Variants in SREK1 observed in about 807,000 individuals in gnomAD.
SREK1 encodes the protein splicing regulatory glutamine/lysine-rich protein 1.
SREK1 carries 13 observed loss-of-function variants against 66.5 expected under a neutral mutation model. That is an observed-to-expected ratio of 0.20 (90% CI 0.13 to 0.31). The LOEUF (loss-of-function observed/expected upper bound fraction) is 0.31, where lower values mean the gene tolerates loss of function less well. Ranked by LOEUF, SREK1 falls within the 10% of genes least tolerant of loss-of-function variation. The probability of loss-of-function intolerance (pLI) is 1.00; values close to 1 mark genes in which losing one functional copy is unlikely to be tolerated. For missense variants in SREK1, 607 were observed against 769.6 expected, an observed-to-expected ratio of 0.79 and a Z score of 2.50; for synonymous variants, 265 against 263.5, an observed-to-expected ratio of 1.01 and a Z score of -0.05.
chr5:66,148,784 C>T (rs1743494321), intron 1 of SREK1, among the ~76,000 whole-genome samples: 2 of 151,702 alleles, frequency 1.3e-5, no homozygotes. Context: ...TAGATGCATA[C>T]ATTTAGACCA....
In SREK1 at chr5:66,183,133, A is replaced by G. The variant is rs1746629618; in HGVS notation, c.*4265A>G. On this transcript the variant is annotated 3_prime_UTR_variant, in exon 12 of 12. Coordinates refer to ENST00000334121, the MANE Select transcript of SREK1 (RefSeq NM_001077199.3). The stretch of plus-strand genomic sequence containing the variant: ...ATTGCCAACTTTTGGGAGATTTCAC[A>G]TATTTTACCTCTATATTTTATTTTT... 1 of 152,152 alleles carries G rather than the reference A, an allele frequency of 6.6e-6. No homozygotes were observed. The highest frequency in any genetic ancestry group is 1.5e-5 in the Non-Finnish European group (1 of 68,026). The allele number at this position is 152,152 out of a possible 1,614,324, so 9.4% of individuals were successfully genotyped here. A position where few individuals can be genotyped will look rare whatever the true frequency, so the allele number is the denominator to read the frequency against.
At chr5:66,151,797 C>G (rs1743840831) in intron 1 of SREK1, among the ~76,000 whole-genome samples, 1 of 144,986 alleles carries the variant, frequency 6.9e-6, no homozygotes, top group Non-Finnish European at 1.5e-5. Flanking sequence ...ATTGGATGCC[C>G]TTAGGCAGAA....
At chr5:66,153,708 T>A in intron 2 of SREK1, 112 bp downstream of exon 2, 1 of 1,391,174 alleles carries the variant, frequency 7.2e-7, no homozygotes, top group South Asian at 1.4e-5. Context: ...TGTGTGAAAG[T>A]AAGAATGAAA....
At chr5:66,159,741 TAAG>T (rs1380852033) in intron 3 of SREK1, among the ~76,000 whole-genome samples, 6 of 152,316 alleles carry the variant, frequency 3.9e-5, no homozygotes, top group African/African-American at 1.4e-4. Context: ...GAAAATGTAA[TAAG>T]GTGAAAACAT....
At chr5:66,162,314 T>A in intron 4 of SREK1, 41 bp downstream of exon 4, 1 of 1,608,746 alleles carries the variant, frequency 6.2e-7, no homozygotes, top group Non-Finnish European at 8.5e-7. Flanking sequence ...GTAGCCCTTA[T>A]TCTTTTTCTC....
At chr5:66,166,378 C>T (rs774811729) in intron 7 of SREK1, 1 of 152,188 alleles carries the variant, frequency 6.6e-6, no homozygotes, top group Admixed American at 6.5e-5. Flanking sequence ...TTTCTTTGAT[C>T]ATCTAAGTGA....
rs1180766372 is a variant in SREK1 at position 66,167,731 on chromosome 5, T to A, written c.1002-2320T>A. On this transcript the variant is annotated intron_variant, in intron 7 of 11. Transcript: ENST00000334121. Reference sequence around the variant, plus strand: ...TCAGTGCTTTTTATTATTAACTTATTTATGAGAGTTATACTTAATTTTTAA... The same window carrying A: ...TCAGTGCTTTTTATTATTAACTTATATATGAGAGTTATACTTAATTTTTAA... 1.3e-5 allele frequency: 2 copies of A among 152,184 alleles called. 1 individual carries two copies. Among genetic ancestry groups the A allele is most frequent in the African/African-American group, 4.8e-5 (2 of 41,446 alleles). 9.4% of individuals were successfully genotyped at this position (152,184 alleles called of 1,614,324 possible). A position where few individuals can be genotyped will look rare whatever the true frequency, so the allele number is the denominator to read the frequency against.
At chr5:66,157,169 CATTTATAGTAGTATACTAT>C (rs1441203389) in intron 2 of SREK1, 15 of 950,770 alleles carry the variant, frequency 1.6e-5, no homozygotes, top group African/African-American at 5.3e-5. Context: ...TGGATTTATA[CATTTATAGTAGTATACTAT>C]ATTTATAGTA....
intron 10 of SREK1, among the ~76,000 whole-genome samples, chr5:66,176,521 A>T (rs1399641542): frequency 6.6e-6 from 1 of 152,112 alleles, no homozygotes; most frequent in East Asian, 1.9e-4. Context: ...CTTAGGGAAA[A>T]TTGATAAACA....
intron 10 of SREK1, 40 bp from the exon 11 acceptor site, chr5:66,177,474 A>C (rs1178438328): frequency 6.8e-7 from 1 of 1,467,670 alleles, no homozygotes; most frequent in Non-Finnish European, 9.2e-7. Flanking sequence ...TAGATCTTAC[A>C]ATTTCTTAGA....
At chr5:66,150,764 A>G (rs193106358) in intron 1 of SREK1, among the ~76,000 whole-genome samples, 1 of 152,232 alleles carries the variant, frequency 6.6e-6, no homozygotes, top group Non-Finnish European at 1.5e-5. Flanking sequence ...TTGGATGAGG[A>G]CAGAAAGGTC....
chr5:66,156,201 C>T lies in SREK1; in HGVS notation c.295+2605C>T, dbSNP rs1477898328. 4.7e-6 allele frequency: 6 copies of T among 1,279,918 alleles called. No individual in the cohort carries two copies. The South Asian group carries it at 8.5e-5, about 18-fold the overall frequency. The allele number at this position is 1,279,918 out of a possible 1,614,324, so 79.3% of individuals were successfully genotyped here. On this transcript the variant is annotated intron_variant, in intron 2 of 11. Transcript: ENST00000334121. ...GTCTGAACCGCAGAAGATGGACGCCCTGTCTCTGTTTTTTATTGTTTTACT... is the reference window on the plus strand; with the variant it reads ...GTCTGAACCGCAGAAGATGGACGCCTTGTCTCTGTTTTTTATTGTTTTACT...
In SREK1 at chr5:66,144,320, C is replaced by T. The variant is rs942452677; in HGVS notation, c.-57C>T. 1.2e-5 allele frequency: 17 copies of T among 1,373,226 alleles called. No homozygotes were observed. The highest frequency in any genetic ancestry group is 1.6e-5 in the Non-Finnish European group (16 of 1,018,476). 85.1% of individuals were successfully genotyped at this position (1,373,226 alleles called of 1,614,324 possible). A position where few individuals can be genotyped will look rare whatever the true frequency, so the allele number is the denominator to read the frequency against. ...CGCGCGTTCTCCGCTTTCCCGGCTCCGTCGCTGACGCGTCGTAGACGTTGG... is the reference window on the plus strand; with the variant it reads ...CGCGCGTTCTCCGCTTTCCCGGCTCTGTCGCTGACGCGTCGTAGACGTTGG... On this transcript the variant is annotated 5_prime_UTR_variant, in exon 1 of 12. Coordinates refer to ENST00000334121, the MANE Select transcript of SREK1 (RefSeq NM_001077199.3).
At chr5:66,175,074 G>A (rs778136182) in intron 10 of SREK1, 33 bp downstream of exon 10, 17 of 1,510,800 alleles carry the variant, frequency 1.1e-5, no homozygotes, top group Non-Finnish European at 1.4e-5. Context: ...AACTAAACAG[G>A]AGAAAGCAAT....
At chr5:66,173,832 A>G (rs1745844930) in intron 9 of SREK1, among the ~76,000 whole-genome samples, 1 of 152,244 alleles carries the variant, frequency 6.6e-6, no homozygotes, top group Non-Finnish European at 1.5e-5. Flanking sequence ...TAATCAAATA[A>G]TGTATCTAAT....
chr5:66,157,614 A>G, intron 2 of SREK1: 2 of 967,366 alleles, frequency 2.1e-6, no homozygotes, highest in Non-Finnish European at 1.2e-6. Flanking sequence ...ACTAATACAT[A>G]TAAAGCAGAT....
intron 2 of SREK1, chr5:66,158,081 A>G (rs2111996880): frequency 6.6e-6 from 1 of 151,630 alleles, no homozygotes; most frequent in East Asian, 1.9e-4. Flanking sequence ...GTTCTTCTAA[A>G]TATATCCACA....
chr5:66,156,973 A>G (rs747516671), intron 2 of SREK1: 2 of 985,054 alleles, frequency 2.0e-6, no homozygotes, highest in African/African-American at 3.5e-5. Flanking sequence ...CTAAATGCTT[A>G]TTTGTTTTAT....
intron 2 of SREK1, chr5:66,157,741 T>A: frequency 1.1e-6 from 1 of 917,096 alleles, no homozygotes; most frequent in African/African-American, 1.8e-5. Context: ...TTGAAAGTAA[T>A]AAAGTAATAT....
Sources: gnomAD v4.1 joint callset for allele counts (sites outside exome capture counted in the v4.1 genomes callset) on GRCh38, gnomAD v4.1.1 for gene constraint, MANE v1.5 for transcripts, NCBI Gene and HGNC (gene_info 2026-07-23, HGNC 2026-07-21) for gene names.